LHPP: variants seen among roughly 807,000 people sequenced by gnomAD.
The protein encoded by LHPP is phospholysine phosphohistidine inorganic pyrophosphate phosphatase, also known as hLHPP.
LHPP carries 24 observed loss-of-function variants against 30.3 expected under a neutral mutation model. The ratio of observed to expected loss-of-function variants is 0.79; its 90% CI spans 0.57 to 1.11. The LOEUF (loss-of-function observed/expected upper bound fraction) is 1.11, where lower values mean the gene tolerates loss of function less well. Among genes scored for constraint, LHPP ranks in the 50% most tolerant of loss-of-function variants. The pLI is 0.00. For synonymous variants in LHPP, 150 were observed against 157.1 expected (o/e 0.95, Z 0.34); for missense variants, 356 against 367.2 (o/e 0.97, Z 0.25).
rs1328234759 is a variant in LHPP, at chr10:124,496,765, G to T, written c.468-196G>T. On this transcript the variant is annotated intron_variant, in intron 3 of 6. Coordinates refer to ENST00000368842, the MANE Select transcript of LHPP (RefSeq NM_022126.4). The surrounding 1 kb of genome is among the most constrained non-coding windows in gnomAD (Gnocchi z 4.3). ...GCTGGCTGCTGCGCTCGCCCCACTG[G>T]GTGTGGCGGCCTGCCGCCCGGCTCT... Among the ~76,000 whole-genome samples the T allele has an allele frequency of 6.6e-6, 1 of 152,236 alleles. No homozygotes were observed. Among genetic ancestry groups the T allele is most frequent in the Non-Finnish European group, 1.5e-5 (1 of 68,032 alleles).
chr10:124,461,921 G>A lies in LHPP; in HGVS notation c.59G>A (p.Gly20Asp). The A allele has an allele frequency of 8.0e-7, 1 of 1,254,124 alleles. No homozygotes were observed. The highest frequency in any genetic ancestry group is 1.0e-6 in the Non-Finnish European group (1 of 995,870). The allele number at this position is 1,254,124 out of a possible 1,614,324, so 77.7% of individuals were successfully genotyped here. ...CGCGGGGTGCTGCTTGACATCTCGG[G>A]CGTGCTGTACGACAGCGGCGCGGGC... ...GVRGVLLDIS[G>D]VLYDSGAGGG... is the part of the protein sequence containing the mutation. The change falls in exon 1 of 7, where the codon GGC becomes GAC. Residue 20 changes from glycine (G) to aspartate (D), a missense_variant. Transcript: ENST00000368842.
chr10:124,567,953 G>T (rs1489559480), intron 6 of LHPP, among the ~76,000 whole-genome samples: 2 of 152,046 alleles, frequency 1.3e-5, no homozygotes, highest in African/African-American at 4.8e-5. Context: ...TCGCTCTGTC[G>T]CCAGGCTGGA....
At chr10:124,581,763 GTATA>G (rs371486829) in intron 6 of LHPP, among the ~76,000 whole-genome samples, 1 of 58,360 alleles carries the variant, frequency 1.7e-5, no homozygotes, top group Non-Finnish European at 4.4e-5. Context: ...ATACATATAT[GTATA>G]TACACACACA....
At chr10:124,610,773 G>A (rs1949175605) in intron 6 of LHPP, among the ~76,000 whole-genome samples, 1 of 117,372 alleles carries the variant, frequency 8.5e-6, no homozygotes, top group African/African-American at 3.5e-5. Context: ...GCGGGTGAGG[G>A]TGCTGATGGA....
At chr10:124,553,694 T>C (rs1045543155) in intron 6 of LHPP, among the ~76,000 whole-genome samples, 5 of 152,004 alleles carry the variant, frequency 3.3e-5, no homozygotes, top group East Asian at 3.9e-4. Context: ...CTCCTGACCT[T>C]GTGATCCGCC....
At chr10:124,502,230 C>G (rs1953924259) in intron 5 of LHPP, among the ~76,000 whole-genome samples, 1 of 151,946 alleles carries the variant, frequency 6.6e-6, no homozygotes, top group Non-Finnish European at 1.5e-5. Flanking sequence ...ACCAGTCATC[C>G]CACTCATGGC....
At chr10:124,526,839 G>A (rs1331934939) in intron 6 of LHPP, among the ~76,000 whole-genome samples, 1 of 152,216 alleles carries the variant, frequency 6.6e-6, no homozygotes, top group Non-Finnish European at 1.5e-5. Context: ...TTCCCCTCCA[G>A]TGTGTGGTGG....
intron 6 of LHPP, among the ~76,000 whole-genome samples, chr10:124,611,375 TG>T (rs1949195624): frequency 6.6e-6 from 1 of 151,920 alleles, no homozygotes; most frequent in Non-Finnish European, 1.5e-5. Flanking sequence ...CTGTTCAAGA[TG>T]GGGGTGACCA....
At chr10:124,531,997 T>A (rs1487028990) in intron 6 of LHPP, among the ~76,000 whole-genome samples, 1 of 152,238 alleles carries the variant, frequency 6.6e-6, no homozygotes, top group Non-Finnish European at 1.5e-5. Flanking sequence ...TGTATGCCAG[T>A]GTGGGCTCGT....
chr10:124,527,757 C>T (rs1306473302), intron 6 of LHPP, among the ~76,000 whole-genome samples: 1 of 148,108 alleles, frequency 6.8e-6, no homozygotes, highest in Non-Finnish European at 1.5e-5. Context: ...TAACCTTGGA[C>T]GTGATCTCTT....
chr10:124,471,879 C>T (rs575061114), intron 1 of LHPP, among the ~76,000 whole-genome samples: 34 of 149,926 alleles, frequency 2.3e-4, no homozygotes, highest in African/African-American at 7.3e-4. Flanking sequence ...AGGAGTCCTC[C>T]TGCCTCAGCC....
In LHPP at chr10:124,610,371, G is replaced by A. The variant is rs949794076; in HGVS notation, c.717-2893G>A. 1.5e-3 allele frequency among the ~76,000 whole-genome samples: 210 copies of A among 137,992 alleles called. 1 individual carries two copies. The highest frequency in any genetic ancestry group is 5.6e-3 in the African/African-American group (177 of 31,728). 90.5% of individuals were successfully genotyped at this position (137,992 alleles called of 152,430 possible). A position where few individuals can be genotyped will look rare whatever the true frequency, so the allele number is the denominator to read the frequency against. On this transcript the variant is annotated intron_variant, in intron 6 of 6. Coordinates refer to ENST00000368842, the MANE Select transcript of LHPP (RefSeq NM_022126.4). Reference sequence around the variant, plus strand: ...GGTGAGGGTGCGGGTGAGGGTGCTGGTGGAGCGGGTGAGGGTGCGGGTGAG... The same window carrying A: ...GGTGAGGGTGCGGGTGAGGGTGCTGATGGAGCGGGTGAGGGTGCGGGTGAG...
intron 6 of LHPP, among the ~76,000 whole-genome samples, chr10:124,580,704 A>G (rs1317778095): frequency 7.5e-6 from 1 of 134,124 alleles, no homozygotes; most frequent in Non-Finnish European, 1.6e-5. Flanking sequence ...ATTTTAGAAC[A>G]TTTTCTTTTT....
chr10:124,535,445 A>G (rs1954999833), intron 6 of LHPP, among the ~76,000 whole-genome samples: 1 of 152,204 alleles, frequency 6.6e-6, no homozygotes. Context: ...TCTGTCACCC[A>G]GGCTGGAGTG....
intron 6 of LHPP, among the ~76,000 whole-genome samples, chr10:124,546,356 A>C (rs539169241): frequency 6.6e-6 from 1 of 152,268 alleles, no homozygotes; most frequent in South Asian, 2.1e-4. Context: ...CCCATTATTA[A>C]CTAAAGAAGA....
chr10:124,574,212 G>A (rs1207193477), intron 6 of LHPP, among the ~76,000 whole-genome samples: 2 of 152,232 alleles, frequency 1.3e-5, no homozygotes, highest in Non-Finnish European at 2.9e-5. Context: ...ACAGTAAGTC[G>A]TTTTTGACAT....
chr10:124,591,586 C>A (rs1948882758), intron 6 of LHPP, among the ~76,000 whole-genome samples: 2 of 152,186 alleles, frequency 1.3e-5, no homozygotes, highest in African/African-American at 4.8e-5. Flanking sequence ...GTGGCCAGCA[C>A]TGTGTCCGTG....
At chr10:124,472,064 C>T (rs986269464) in intron 1 of LHPP, among the ~76,000 whole-genome samples, 2 of 152,102 alleles carry the variant, frequency 1.3e-5, no homozygotes, top group Admixed American at 6.5e-5. Flanking sequence ...GTAATCCCTG[C>T]ACTTTGGGAG....
chr10:124,483,850 AG>A (rs1215573415), intron 1 of LHPP, among the ~76,000 whole-genome samples: 3 of 128,014 alleles, frequency 2.3e-5, no homozygotes, highest in African/African-American at 6.0e-5. Context: ...GGCAATGAAA[AG>A]GGGGGTCAGG....
Sources: allele counts gnomAD v4.1 joint callset (sites outside exome capture counted in the v4.1 genomes callset), GRCh38; gene constraint gnomAD v4.1.1; non-coding constraint Gnocchi (gnomAD v3.1); transcripts MANE v1.5; gene names NCBI Gene and HGNC (gene_info 2026-07-23, HGNC 2026-07-21).